Variants in SRGAP3 observed in about 807,000 individuals in gnomAD.
SRGAP3 encodes SLIT-ROBO Rho GTPase activating protein 3.
A neutral mutation model predicts 121.1 loss-of-function variants in SRGAP3; 39 were observed. That is an observed-to-expected ratio of 0.32 (90% confidence interval 0.25 to 0.42). The LOEUF (loss-of-function observed/expected upper bound fraction) is 0.42. SRGAP3 is among the 10% of genes least tolerant of loss of function. The pLI is 1.00. For synonymous variants in SRGAP3, 601 were observed against 570.0 expected (o/e 1.05, Z -0.77); for missense variants, 1,213 against 1,470.6 (o/e 0.82, Z 2.86).
chr3:9,225,555 A>G (rs1459342681), intron 1 of SRGAP3, among the ~76,000 whole-genome samples: 1 of 152,174 alleles, frequency 6.6e-6, no homozygotes, highest in Non-Finnish European at 1.5e-5. Flanking sequence ...AGCCACAGGT[A>G]CTTTTTAAAA....
intron 3 of SRGAP3, among the ~76,000 whole-genome samples, chr3:9,281,624 G>T (rs1048968679): frequency 6.6e-6 from 1 of 152,146 alleles, no homozygotes; most frequent in Non-Finnish European, 1.5e-5. Flanking sequence ...AGTAATTTAT[G>T]TAGTGTAATT....
chr3:8,984,447 TTAAA>T lies in SRGAP3; in HGVS notation c.*1068_*1071del, dbSNP rs1435997946. On this transcript the variant is annotated 3_prime_UTR_variant, in exon 22 of 22. Coordinates refer to ENST00000383836, the MANE Select transcript of SRGAP3 (RefSeq NM_014850.4). ...TTAGTAGAACCAGGAAAAGAAAAAA[TTAAA>T]TAGTTTGAAAATGATATAAGTTAAA... 8.6e-6 allele frequency: 2 copies of T among 231,768 alleles called. No individual in the cohort carries two copies. The highest frequency in any genetic ancestry group is 6.1e-5 in the East Asian group (1 of 16,370). 14.4% of individuals were successfully genotyped at this position (231,768 alleles called of 1,614,324 possible).
At chr3:9,042,578 G>A (rs1945072402) in intron 10 of SRGAP3, among the ~76,000 whole-genome samples, 2 of 152,310 alleles carry the variant, frequency 1.3e-5, no homozygotes, top group Non-Finnish European at 1.5e-5. Context: ...AGTTACATGG[G>A]TGGCTGCAGT....
chr3:9,169,847 G>A (rs1197121531), intron 1 of SRGAP3, among the ~76,000 whole-genome samples: 1 of 152,160 alleles, frequency 6.6e-6, no homozygotes, highest in Non-Finnish European at 1.5e-5. Flanking sequence ...GGGTTAGGGG[G>A]GAAAAGCCTT....
intron 7 of SRGAP3, among the ~76,000 whole-genome samples, chr3:9,056,819 C>T (rs941220468): frequency 1.3e-5 from 2 of 152,116 alleles, no homozygotes; most frequent in Admixed American, 1.3e-4. Flanking sequence ...AGCTCTTCGT[C>T]CCCCAGCAAT....
intron 3 of SRGAP3, among the ~76,000 whole-genome samples, chr3:9,294,548 A>G (rs1370418685): frequency 1.2e-5 from 1 of 84,094 alleles, no homozygotes; most frequent in African/African-American, 3.6e-5. Context: ...CAAACAAACA[A>G]ACAAAAAAAA....
intron 18 of SRGAP3, chr3:9,008,071 C>T (rs1943172464): frequency 6.6e-6 from 1 of 152,218 alleles, no homozygotes; most frequent in South Asian, 2.1e-4. Context: ...CTTTGTCATT[C>T]CCAGAAACCA....
chr3:9,240,673 G>A (rs1953599011), intron 1 of SRGAP3, among the ~76,000 whole-genome samples: 1 of 152,174 alleles, frequency 6.6e-6, no homozygotes, highest in Non-Finnish European at 1.5e-5. Flanking sequence ...TAATCTGAAA[G>A]CCACAGCCCC....
intron 1 of SRGAP3, among the ~76,000 whole-genome samples, chr3:9,345,580 TA>T (rs538698101): frequency 8.1e-4 from 123 of 151,172 alleles, no homozygotes; most frequent in African/African-American, 2.9e-3. Flanking sequence ...GCCAGGAGTT[TA>T]AAACCAGCCA....
chr3:9,104,240 T>C (rs1469516330), intron 3 of SRGAP3, among the ~76,000 whole-genome samples: 1 of 152,196 alleles, frequency 6.6e-6, no homozygotes, highest in Non-Finnish European at 1.5e-5. Context: ...AAAAAATGCA[T>C]GTGTACACTA....
chr3:9,270,853 T>G (rs1386789458), intron 3 of SRGAP3, among the ~76,000 whole-genome samples: 1 of 152,180 alleles, frequency 6.6e-6, no homozygotes, highest in Non-Finnish European at 1.5e-5. Flanking sequence ...GGTACTGTTC[T>G]GTGCTGCCTT....
At chr3:8,992,737 G>T in intron 20 of SRGAP3, 169 bp downstream of exon 20, 1 of 1,099,566 alleles carries the variant, frequency 9.1e-7, no homozygotes, top group Non-Finnish European at 1.4e-6. Context: ...TTCTATACCT[G>T]GCCTTCTTGG....
intron 2 of SRGAP3, among the ~76,000 whole-genome samples, chr3:9,120,064 C>A (rs1948948223): frequency 6.6e-6 from 1 of 152,206 alleles, no homozygotes; most frequent in African/African-American, 2.4e-5. Context: ...TCCATCATAG[C>A]AATCATTGGA....
rs367891341 is a variant in SRGAP3, at chr3:8,984,736, G to T, written c.*783C>A. 72 of 232,304 alleles carry T rather than the reference G, an allele frequency of 3.1e-4. No individual in the cohort carries two copies. Among genetic ancestry groups the T allele is most frequent in the African/African-American group, 1.5e-3 (67 of 45,326 alleles). 14.4% of individuals were successfully genotyped at this position (232,304 alleles called of 1,614,324 possible). ...GGCAGGGTCTCTGGGGTGGACGGGG[G>T]TGGGGATTTCCTATGAAGGGTTCCC... is the stretch of plus-strand genomic sequence containing the variant. On this transcript the variant is annotated 3_prime_UTR_variant, in exon 22 of 22. Transcript: ENST00000383836.
intron 3 of SRGAP3, among the ~76,000 whole-genome samples, chr3:9,324,062 G>A (rs2596933): frequency 0.81 from 122,723 of 151,664 alleles, 50,549 homozygotes; most frequent in African/African-American, 0.95. Flanking sequence ...AAACAGTGAG[G>A]TTGGTTACAG....
chr3:9,212,560 C>G (rs1397828598), intron 1 of SRGAP3, among the ~76,000 whole-genome samples: 1 of 126,604 alleles, frequency 7.9e-6, no homozygotes, highest in East Asian at 1.9e-4. Flanking sequence ...ACTAAAAATA[C>G]AAAAATTAGC....
intron 12 of SRGAP3, chr3:9,028,187 G>C (rs1042740610): frequency 6.2e-7 from 1 of 1,608,638 alleles, no homozygotes; most frequent in Non-Finnish European, 8.5e-7. Flanking sequence ...GATTATGCAG[G>C]AATAAGATCA....
Position 9,126,649 on chromosome 3 carries a change from A to AACTAAC in SRGAP3, c.68-1733_68-1732insGTTAGT, listed in dbSNP as rs1560211140. On this transcript the variant is annotated intron_variant, in intron 1 of 21. Transcript: ENST00000383836. ...ACTAACTAACTAACTAACTAACTAA[A>AACTAAC]TAAATAAATAAATAAATAATGTAAA... Among the ~76,000 whole-genome samples, 104 of 137,000 alleles carry AACTAAC rather than the reference A, an allele frequency of 7.6e-4. 1 individual carries two copies. Among genetic ancestry groups the AACTAAC allele is most frequent in the Admixed American group, 2.9e-3 (38 of 13,298 alleles). 89.9% of individuals were successfully genotyped at this position (137,000 alleles called of 152,430 possible).
intron 10 of SRGAP3, among the ~76,000 whole-genome samples, chr3:9,046,457 A>C (rs1482975934): frequency 6.6e-6 from 1 of 152,210 alleles, no homozygotes; most frequent in Non-Finnish European, 1.5e-5. Flanking sequence ...CACAGTAAGG[A>C]AAGGGAGAAT....
Sources: allele counts gnomAD v4.1 joint callset (sites outside exome capture counted in the v4.1 genomes callset), GRCh38; gene constraint gnomAD v4.1.1; transcripts MANE v1.5; gene names NCBI Gene and HGNC (gene_info 2026-07-23, HGNC 2026-07-21).